FHIT: variants seen among roughly 807,000 people sequenced by gnomAD.
FHIT encodes the protein fragile histidine triad diadenosine triphosphatase, also known as bis(5'-adenosyl)-triphosphatase.
FHIT carries 19 observed loss-of-function variants against 17.9 expected under a neutral mutation model. That is an observed-to-expected ratio of 1.06 (90% CI 0.74 to 1.56). The LOEUF (loss-of-function observed/expected upper bound fraction) is 1.56. Among genes scored for constraint, FHIT ranks in the 40% most tolerant of loss-of-function variants. The probability of loss-of-function intolerance (pLI) is 0.00; values close to 1 mark genes in which losing one functional copy is unlikely to be tolerated. For synonymous variants in FHIT, 81 were observed against 69.7 expected (o/e 1.16, Z -0.81); for missense variants, 248 against 189.2 (o/e 1.31, Z -1.82).
At chr3:59,764,859 T>G (rs1701710434) in intron 8 of FHIT, among the ~76,000 whole-genome samples, 1 of 105,156 alleles carries the variant, frequency 9.5e-6, no homozygotes, top group East Asian at 3.2e-4. Context: ...GTAAGGCAAC[T>G]GCAAACACAC....
chr3:60,974,253 C>CT (rs1710144603), intron 3 of FHIT, among the ~76,000 whole-genome samples: 1 of 152,274 alleles, frequency 6.6e-6, no homozygotes, highest in South Asian at 2.1e-4. Flanking sequence ...TAGCCACTAT[C>CT]TTTTTTCTTT....
chr3:60,790,261 G>A (rs986058731), intron 4 of FHIT, among the ~76,000 whole-genome samples: 1 of 152,082 alleles, frequency 6.6e-6, no homozygotes, highest in Admixed American at 6.5e-5. Context: ...TAAGGAAAGC[G>A]GAATTTACAA....
chr3:59,964,066 T>C (rs1264356969), intron 7 of FHIT, among the ~76,000 whole-genome samples: 1 of 152,226 alleles, frequency 6.6e-6, no homozygotes, highest in African/African-American at 2.4e-5. Flanking sequence ...GCCAAGAATC[T>C]GCATGGAATG....
At chr3:60,008,416 C>G (rs2106664231) in intron 7 of FHIT, among the ~76,000 whole-genome samples, 1 of 152,182 alleles carries the variant, frequency 6.6e-6, no homozygotes, top group South Asian at 2.1e-4. Flanking sequence ...ACTACAAGTG[C>G]CTTACTGAGT....
chr3:60,036,028 T>C (rs371346850), intron 5 of FHIT, among the ~76,000 whole-genome samples: 1 of 152,158 alleles, frequency 6.6e-6, no homozygotes, highest in Non-Finnish European at 1.5e-5. Flanking sequence ...CAAATACTGT[T>C]AGGAACCATC....
At chr3:60,865,300 A>C (rs2107027507) in intron 3 of FHIT, among the ~76,000 whole-genome samples, 1 of 152,352 alleles carries the variant, frequency 6.6e-6, no homozygotes, top group East Asian at 1.9e-4. Context: ...AAAATTAAAT[A>C]AAATTTATTT....
intron 8 of FHIT, among the ~76,000 whole-genome samples, chr3:59,867,122 A>G (rs1702690233): frequency 1.0e-5 from 1 of 97,288 alleles, no homozygotes; most frequent in Non-Finnish European, 2.0e-5. Context: ...TATACCATCA[A>G]CGTGAGGTAT....
intron 1 of FHIT, among the ~76,000 whole-genome samples, chr3:61,203,564 CAG>C (rs2039102876): frequency 6.6e-6 from 1 of 151,990 alleles, no homozygotes; most frequent in African/African-American, 2.4e-5. Context: ...CAATAGTAAA[CAG>C]AGAAATTAGT....
At chr3:60,374,913 A>G (rs56344646) in intron 5 of FHIT, among the ~76,000 whole-genome samples, 54 of 152,252 alleles carry the variant, frequency 3.5e-4, no homozygotes, top group Non-Finnish European at 6.9e-4. Context: ...ATATTACAAA[A>G]TAAATTAAGA....
At chr3:60,908,426 C>T (rs1012251042) in intron 3 of FHIT, among the ~76,000 whole-genome samples, 6 of 152,140 alleles carry the variant, frequency 3.9e-5, no homozygotes, top group African/African-American at 1.4e-4. Context: ...CAAAAGACCC[C>T]TGACACAGTA....
intron 3 of FHIT, among the ~76,000 whole-genome samples, chr3:60,910,467 A>G (rs1339623371): frequency 6.8e-6 from 1 of 146,340 alleles, no homozygotes; most frequent in Admixed American, 7.0e-5. Flanking sequence ...GCTGGAGTGC[A>G]GTGGCGCAAT....
intron 5 of FHIT, among the ~76,000 whole-genome samples, chr3:60,103,682 T>C (rs1704286622): frequency 6.6e-6 from 1 of 152,194 alleles, no homozygotes; most frequent in Non-Finnish European, 1.5e-5. Flanking sequence ...AAAGAATCTT[T>C]ATGGCTTGCT....
chr3:60,196,676 G>A (rs192872085), intron 5 of FHIT, among the ~76,000 whole-genome samples: 2 of 152,124 alleles, frequency 1.3e-5, no homozygotes, highest in Admixed American at 1.3e-4. Flanking sequence ...GGCCTAGGAT[G>A]TGTAACATAC....
At chr3:60,378,160 G>A (rs927428167) in intron 5 of FHIT, among the ~76,000 whole-genome samples, 8 of 151,608 alleles carry the variant, frequency 5.3e-5, no homozygotes, top group African/African-American at 1.9e-4. Flanking sequence ...CCGAGTAGCT[G>A]GGACTACAGA....
chr3:59,769,624 T>TAGTC (rs1408698245), intron 8 of FHIT, among the ~76,000 whole-genome samples: 2 of 152,200 alleles, frequency 1.3e-5, no homozygotes, highest in Admixed American at 1.3e-4. Context: ...TAACTTAAAC[T>TAGTC]TGATAATTAT....
chr3:61,204,083 A>C (rs926989220), intron 1 of FHIT, among the ~76,000 whole-genome samples: 3 of 152,274 alleles, frequency 2.0e-5, no homozygotes, highest in African/African-American at 4.8e-5. Context: ...AAACAAAAGA[A>C]GCAAGTCACA....
intron 5 of FHIT, among the ~76,000 whole-genome samples, chr3:60,511,658 C>T (rs28538294): frequency 0.16 from 24,218 of 152,082 alleles, 2,038 homozygotes; most frequent in Admixed American, 0.2. Context: ...TCCTTTCTAA[C>T]AGAAGGGCCT....
At chr3:59,998,518 C>A (rs1443709484) in intron 7 of FHIT, among the ~76,000 whole-genome samples, 1 of 152,038 alleles carries the variant, frequency 6.6e-6, no homozygotes, top group Non-Finnish European at 1.5e-5. Flanking sequence ...ACCTCGTGTT[C>A]TTTAGAGAGA....
At chr3:60,432,915 GTCTTT>G (rs1339395379) in intron 5 of FHIT, among the ~76,000 whole-genome samples, 1 of 33,718 alleles carries the variant, frequency 3.0e-5, no homozygotes, top group African/African-American at 6.1e-5. Flanking sequence ...TAGAAGAATT[GTCTTT>G]TTTTTTTTTA....
Sources: allele counts gnomAD v4.1 joint callset (sites outside exome capture counted in the v4.1 genomes callset), GRCh38; gene constraint gnomAD v4.1.1; transcripts MANE v1.5; gene names NCBI Gene and HGNC (gene_info 2026-07-23, HGNC 2026-07-21).